Variants in ZCCHC7 observed in about 807,000 individuals in gnomAD.
The protein encoded by ZCCHC7 is zinc finger CCHC-type containing 7, also known as zinc finger CCHC domain-containing protein 7.
ZCCHC7 carries 35 observed loss-of-function variants against 52.0 expected under a neutral mutation model. That is an observed-to-expected ratio of 0.67 (90% CI 0.51 to 0.89). The LOEUF is 0.89. Among genes scored for constraint, ZCCHC7 ranks in the 40% least tolerant of loss-of-function variants. The probability of loss-of-function intolerance (pLI) is 0.00; values close to 1 mark genes in which losing one functional copy is unlikely to be tolerated. For missense variants in ZCCHC7, 574 were observed against 649.1 expected, an observed-to-expected ratio of 0.88 and a Z score of 1.26; for synonymous variants, 217 against 221.5, an observed-to-expected ratio of 0.98 and a Z score of 0.18.
chr9:37,219,242 A>C (rs911206321), intron 2 of ZCCHC7, among the ~76,000 whole-genome samples: 56 of 152,312 alleles, frequency 3.7e-4, no homozygotes, highest in African/African-American at 1.3e-3. Flanking sequence ...TTTGTAATGA[A>C]TGTTTCTTTG....
chr9:37,282,325 C>A (rs765452385), intron 2 of ZCCHC7, among the ~76,000 whole-genome samples: 1 of 151,926 alleles, frequency 6.6e-6, no homozygotes, highest in Non-Finnish European at 1.5e-5. Flanking sequence ...TAAACAAGGC[C>A]GGGCATGGTG....
intron 2 of ZCCHC7, among the ~76,000 whole-genome samples, chr9:37,237,909 C>T (rs1402254105): frequency 6.6e-6 from 1 of 151,854 alleles, no homozygotes; most frequent in Non-Finnish European, 1.5e-5. Context: ...ATCGTAATCC[C>T]TTCTATGTAT....
At chr9:37,329,815 GA>G (rs1830386097) in intron 6 of ZCCHC7, among the ~76,000 whole-genome samples, 1 of 151,826 alleles carries the variant, frequency 6.6e-6, no homozygotes, top group South Asian at 2.1e-4. Context: ...CATGAATGTT[GA>G]GTCAATCAGC....
intron 5 of ZCCHC7, among the ~76,000 whole-genome samples, chr9:37,309,639 A>C (rs989462174): frequency 1.3e-5 from 2 of 152,094 alleles, no homozygotes; most frequent in Non-Finnish European, 2.9e-5. Flanking sequence ...AGAAACTTCC[A>C]AGGCTGGGCG....
intron 2 of ZCCHC7, among the ~76,000 whole-genome samples, chr9:37,147,985 A>G (rs1335547189): frequency 1.3e-5 from 2 of 152,078 alleles, no homozygotes; most frequent in African/African-American, 2.4e-5. Flanking sequence ...TTTACCTGGT[A>G]TCCTGTCAGT....
At chr9:37,172,082 G>A (rs900584136) in intron 2 of ZCCHC7, among the ~76,000 whole-genome samples, 3 of 152,116 alleles carry the variant, frequency 2.0e-5, no homozygotes, top group Non-Finnish European at 2.9e-5. Flanking sequence ...AAGTTCTAAT[G>A]TACTTTCTTC....
chr9:37,176,319 T>C (rs909712208), intron 2 of ZCCHC7, among the ~76,000 whole-genome samples: 4 of 152,086 alleles, frequency 2.6e-5, no homozygotes, highest in East Asian at 1.9e-4. Context: ...GTGATCCGCC[T>C]GCCTCGGCCT....
Position 37,357,483 on chromosome 9 carries a change from T to C in ZCCHC7, c.*215T>C. ...AGGTAAGAAAGTACAAAGATAAACC[T>C]GGACTTCTCCTATTCCAATATGTCA... On this transcript the variant is annotated 3_prime_UTR_variant, in exon 9 of 9. Transcript: ENST00000336755. The C allele has an allele frequency of 2.7e-6, 1 of 365,100 alleles. No individual in the cohort carries two copies. The highest frequency in any genetic ancestry group is 4.8e-6 in the Non-Finnish European group (1 of 207,002). 22.6% of individuals were successfully genotyped at this position (365,100 alleles called of 1,614,324 possible).
At chr9:37,123,904 A>G (rs530385861) in intron 1 of ZCCHC7, among the ~76,000 whole-genome samples, 1 of 152,364 alleles carries the variant, frequency 6.6e-6, no homozygotes, top group African/African-American at 2.4e-5. Flanking sequence ...CAGCATAGCC[A>G]CCTGAAGGAC....
At chr9:37,350,367 G>A (rs1346965805) in intron 7 of ZCCHC7, among the ~76,000 whole-genome samples, 1 of 152,118 alleles carries the variant, frequency 6.6e-6, no homozygotes, top group East Asian at 1.9e-4. Context: ...GCTGGCCTCA[G>A]ATGATCCACC....
chr9:37,219,134 AAAC>A (rs1824681193), intron 2 of ZCCHC7, among the ~76,000 whole-genome samples: 3 of 152,178 alleles, frequency 2.0e-5, no homozygotes, highest in African/African-American at 7.2e-5. Flanking sequence ...TGAAAACTAA[AAAC>A]AAACAGAAAA....
At chr9:37,299,454 C>T (rs2133682528) in intron 2 of ZCCHC7, among the ~76,000 whole-genome samples, 1 of 152,324 alleles carries the variant, frequency 6.6e-6, no homozygotes, top group East Asian at 1.9e-4. Flanking sequence ...TCCTGCCCAA[C>T]ACCACACAGC....
intron 2 of ZCCHC7, among the ~76,000 whole-genome samples, chr9:37,150,966 G>GTTTTTTTT (rs1316435254): frequency 3.1e-5 from 4 of 130,604 alleles, no homozygotes; most frequent in Non-Finnish European, 1.7e-5. Context: ...GGGTTTTTTT[G>GTTTTTTTT]TTTTTTTTTT....
chr9:37,343,383 T>C (rs907366860), intron 6 of ZCCHC7, among the ~76,000 whole-genome samples: 1 of 152,240 alleles, frequency 6.6e-6, no homozygotes, highest in Non-Finnish European at 1.5e-5. Flanking sequence ...GCACACTTAA[T>C]TCCATTTTGT....
chr9:37,151,122 G>T (rs949132775), intron 2 of ZCCHC7, among the ~76,000 whole-genome samples: 4 of 151,770 alleles, frequency 2.6e-5, no homozygotes, highest in Admixed American at 6.6e-5. Flanking sequence ...CTGCCACCAC[G>T]CCCGGCTAAT....
At chr9:37,258,190 T>A (rs1826683894) in intron 2 of ZCCHC7, among the ~76,000 whole-genome samples, 1 of 152,202 alleles carries the variant, frequency 6.6e-6, no homozygotes, top group African/African-American at 2.4e-5. Context: ...CCTTTATGTC[T>A]CTGTTCCTCA....
intron 2 of ZCCHC7, among the ~76,000 whole-genome samples, chr9:37,262,154 G>C (rs1209199218): frequency 6.6e-6 from 1 of 151,754 alleles, no homozygotes; most frequent in Non-Finnish European, 1.5e-5. Context: ...ACATATTTCA[G>C]AGTTACACAT....
chr9:37,249,172 T>C (rs577755071), intron 2 of ZCCHC7, among the ~76,000 whole-genome samples: 1 of 152,276 alleles, frequency 6.6e-6, no homozygotes, highest in East Asian at 1.9e-4. Flanking sequence ...GAGTCTATGG[T>C]CCCATTTATT....
intron 2 of ZCCHC7, among the ~76,000 whole-genome samples, chr9:37,232,022 A>G (rs190955875): frequency 6.3e-4 from 96 of 152,280 alleles, no homozygotes; most frequent in Middle Eastern, 3.4e-3. Context: ...GTATTGTGTT[A>G]ATAGTTATTT....
Sources: gnomAD v4.1 joint callset for allele counts (sites outside exome capture counted in the v4.1 genomes callset) on GRCh38, gnomAD v4.1.1 for gene constraint, MANE v1.5 for transcripts, NCBI Gene and HGNC (gene_info 2026-07-23, HGNC 2026-07-21) for gene names.